The following FKBP5 variants were observed in gnomAD, a reference collection of about 807,000 sequenced individuals.
FKBP5 encodes the protein peptidyl-prolyl cis-trans isomerase FKBP5.
Under a neutral mutation model 50.5 loss-of-function variants are expected in FKBP5, and 23 were observed. The observed-to-expected ratio is 0.46, with a 90% confidence interval of 0.33 to 0.65. FKBP5 has a LOEUF of 0.65. Ranked by LOEUF, FKBP5 falls within the 30% of genes least tolerant of loss-of-function variation. The pLI is 0.02. For missense variants in FKBP5, 411 were observed against 553.1 expected (o/e 0.74, Z 2.58); for synonymous variants, 176 against 190.6 (o/e 0.92, Z 0.63).
chr6:35,669,395 A>G (rs1247218182), intron 1 of FKBP5, among the ~76,000 whole-genome samples: 1 of 152,204 alleles, frequency 6.6e-6, no homozygotes, highest in African/African-American at 2.4e-5. Flanking sequence ...TACTGTATCT[A>G]TTATCATATT....
At chr6:35,709,354 T>A (rs1357027123) in intron 2 of FKBP5, among the ~76,000 whole-genome samples, 1 of 152,238 alleles carries the variant, frequency 6.6e-6, no homozygotes, top group Admixed American at 6.5e-5. Context: ...TGATGTGGAA[T>A]GATTTCTAAG....
chr6:35,672,772 A>AG (rs397935166), intron 1 of FKBP5, among the ~76,000 whole-genome samples: 1 of 151,074 alleles, frequency 6.6e-6, no homozygotes, highest in African/African-American at 2.4e-5. Context: ...AAAAAAAAAA[A>AG]TACAAAAAAT....
At chr6:35,647,517 C>T (rs527330034) in intron 1 of FKBP5, among the ~76,000 whole-genome samples, 92 of 152,268 alleles carry the variant, frequency 6.0e-4, no homozygotes, top group Admixed American at 1.9e-3. Context: ...GAGGTCAGAC[C>T]GAAGGAGAGA....
intron 1 of FKBP5, among the ~76,000 whole-genome samples, chr6:35,647,251 T>C (rs927544231): frequency 1.3e-5 from 2 of 152,110 alleles, no homozygotes. Context: ...CAGAAAATAT[T>C]AGACTATCCA....
chr6:35,685,459 TAGAA>T (rs1295663652), intron 1 of FKBP5, among the ~76,000 whole-genome samples: 3 of 152,086 alleles, frequency 2.0e-5, no homozygotes, highest in Non-Finnish European at 2.9e-5. Flanking sequence ...CAGAAAAATT[TAGAA>T]ATATAAAATA....
chr6:35,637,457 CTTTTTTTTTTTTTTT>C (rs71002581), intron 2 of FKBP5, among the ~76,000 whole-genome samples: 3 of 73,270 alleles, frequency 4.1e-5, no homozygotes, highest in African/African-American at 1.5e-4. Flanking sequence ...ACAGTAAACT[CTTTTTTTTTTTTTTT>C]TTTTTTTTTG....
intron 8 of FKBP5, chr6:35,583,809 G>C (rs1762518644): frequency 1.0e-6 from 1 of 985,252 alleles, no homozygotes; most frequent in Non-Finnish European, 1.2e-6. Flanking sequence ...ACTCTTCTTA[G>C]GAATTTTTTT....
chr6:35,639,537 G>A (rs911163701), intron 2 of FKBP5, among the ~76,000 whole-genome samples: 22 of 152,140 alleles, frequency 1.4e-4, no homozygotes, highest in African/African-American at 5.3e-4. Context: ...AGGGTAAGTC[G>A]TAAACAGAGG....
intron 7 of FKBP5, among the ~76,000 whole-genome samples, chr6:35,589,129 T>TATATATATATATA (rs879865924): frequency 3.9e-5 from 4 of 102,152 alleles, no homozygotes; most frequent in Non-Finnish European, 7.9e-5. Flanking sequence ...TATATATATA[T>TATATATATATATA]TTTTTTTTTT....
At chr6:35,604,407 A>G (rs1302274697) in intron 5 of FKBP5, among the ~76,000 whole-genome samples, 1 of 152,256 alleles carries the variant, frequency 6.6e-6, no homozygotes, top group Non-Finnish European at 1.5e-5. Context: ...ATTTGAAAGA[A>G]TAAACACTGG....
At chr6:35,589,098 ATATATATATTTT>A (rs1354707243) in intron 7 of FKBP5, among the ~76,000 whole-genome samples, 3 of 132,210 alleles carry the variant, frequency 2.3e-5, no homozygotes, top group African/African-American at 8.9e-5. Context: ...ATTTTTATAT[ATATATATATTTT>A]TATATATATA....
intron 5 of FKBP5, among the ~76,000 whole-genome samples, chr6:35,613,894 TTCTC>T (rs1317270348): frequency 6.6e-6 from 1 of 152,166 alleles, no homozygotes; most frequent in Admixed American, 6.5e-5. Flanking sequence ...CTTTTGTTCT[TTCTC>T]TCTTTTTTTC....
intron 6 of FKBP5, among the ~76,000 whole-genome samples, chr6:35,593,220 C>T (rs181616359): frequency 6.6e-6 from 1 of 152,262 alleles, no homozygotes; most frequent in African/African-American, 2.4e-5. Flanking sequence ...CAAGAGGAAT[C>T]CCAAGACCTA....
At chr6:35,699,952 C>G (rs764895236) in intron 2 of FKBP5, among the ~76,000 whole-genome samples, 1 of 151,856 alleles carries the variant, frequency 6.6e-6, no homozygotes, top group African/African-American at 2.4e-5. Flanking sequence ...GAGACTGAGG[C>G]AGGAGAATAG....
upstream of FKBP5, among the ~76,000 whole-genome samples, chr6:35,692,041 C>T (rs899879164): frequency 2.6e-5 from 4 of 152,222 alleles, no homozygotes; most frequent in African/African-American, 9.6e-5. Context: ...CTGGTAGTGA[C>T]CCTGGGCATG....
intron 1 of FKBP5, among the ~76,000 whole-genome samples, chr6:35,724,825 G>GTTA (rs139366300): frequency 9.4e-4 from 142 of 151,834 alleles, no homozygotes; most frequent in African/African-American, 3.3e-3. Flanking sequence ...GCTGAGCTCT[G>GTTA]TTATTTTTCT....
rs965428955 is a variant in FKBP5, at chr6:35,577,011, C to A, written c.1249G>T (p.Ala417Ser). ...GCACACACCTTGGCATCCTGCTCTG[C>A]AAACTTCTTGAACATGTTGGCGTAT... ...RIYANMFKKF[A>S]EQDAKEEANK... is the part of the protein sequence containing the mutation. Residue 417 changes from alanine to serine, a missense_variant, in exon 10 of 11, where the codon GCA (alanine) becomes TCA (serine). Coordinates refer to ENST00000357266, the MANE Select transcript of FKBP5 (RefSeq NM_004117.4). The A allele has an allele frequency of 1.2e-5, 19 of 1,614,090 alleles. No individual in the cohort carries two copies. The highest frequency in any genetic ancestry group is 1.6e-5 in the Non-Finnish European group (19 of 1,180,014).
intron 1 of FKBP5, among the ~76,000 whole-genome samples, chr6:35,663,552 C>A (rs971625393): frequency 6.6e-6 from 1 of 152,204 alleles, no homozygotes; most frequent in Non-Finnish European, 1.5e-5. Flanking sequence ...ATGCTGATCA[C>A]TCGCTATCTC....
chr6:35,602,705 G>A (rs73746498), intron 5 of FKBP5, among the ~76,000 whole-genome samples: 10,873 of 151,946 alleles, frequency 0.072, 768 homozygotes, highest in African/African-American at 0.19. Context: ...TAAGCTGTCC[G>A]CCTTCCTCCT....
Sources: gnomAD v4.1 joint callset for allele counts (sites outside exome capture counted in the v4.1 genomes callset) on GRCh38, gnomAD v4.1.1 for gene constraint, MANE v1.5 for transcripts, NCBI Gene and HGNC (gene_info 2026-07-23, HGNC 2026-07-21) for gene names.